The following PATJ variants were observed in gnomAD, a reference collection of about 807,000 sequenced individuals.
The protein encoded by PATJ is PATJ crumbs cell polarity complex component, also known as inaD-like protein.
Under a neutral mutation model 224.9 loss-of-function variants are expected in PATJ, and 190 were observed. The ratio of observed to expected loss-of-function variants is 0.84; its 90% CI spans 0.75 to 0.95. The LOEUF is 0.95. Among genes scored for constraint, PATJ ranks in the 40% least tolerant of loss-of-function variants. The pLI, the probability that PATJ is intolerant of heterozygous loss-of-function variation, is 0.00. For missense variants in PATJ, 2,121 were observed against 2,270.3 expected (o/e 0.93, Z 1.34); for synonymous variants, 769 against 820.3 (o/e 0.94, Z 1.07).
chr1:62,161,335 T>TA lies in PATJ; in HGVS notation c.*281_*282insA. On this transcript the variant is annotated 3_prime_UTR_variant, in exon 44 of 44. Coordinates refer to ENST00000642238, the MANE Select transcript of PATJ (RefSeq NM_001350145.3). ...TTAATTTCAGTGTTCCGATTTCTTT[T>TA]TTTTTTTTTTTTTTTTTTTTTGAGA... is the stretch of plus-strand genomic sequence containing the variant. The TA allele has an allele frequency of 1.9e-5, 1 of 53,702 alleles. No individual in the cohort carries two copies. Among genetic ancestry groups the TA allele is most frequent in the Non-Finnish European group, 3.4e-5 (1 of 29,792 alleles). 3.3% of individuals were successfully genotyped at this position (53,702 alleles called of 1,614,324 possible). A position where few individuals can be genotyped will look rare whatever the true frequency, so the allele number is the denominator to read the frequency against.
intron 29 of PATJ, among the ~76,000 whole-genome samples, chr1:62,037,056 C>T (rs1650560825): frequency 6.6e-6 from 1 of 152,000 alleles, no homozygotes; most frequent in Non-Finnish European, 1.5e-5. Flanking sequence ...TTCGAATGCC[C>T]TCCCAAGTCA....
At position 61,787,738 on chromosome 1, in the gene PATJ, T is replaced by C; in HGVS notation, c.850-16T>C. 1 of 1,577,980 alleles carries C rather than the reference T, an allele frequency of 6.3e-7. No homozygotes were observed. The highest frequency in any genetic ancestry group is 8.7e-7 in the Non-Finnish European group (1 of 1,147,578). ...CAGCATTTATTTCTCAAAATAATTT[T>C]GTCTTTTTCTTGAAGGATGGAAGAC... On this transcript the variant is annotated splice_polypyrimidine_tract_variant and intron_variant, in intron 7 of 43. Transcript: ENST00000642238.
intron 20 of PATJ, among the ~76,000 whole-genome samples, chr1:61,872,096 A>G (rs187831071): frequency 1.4e-4 from 22 of 152,034 alleles, no homozygotes; most frequent in Admixed American, 3.9e-4. Context: ...TTCATTTACT[A>G]TTAACAGAAT....
At chr1:62,048,054 CT>C (rs2148569051) in intron 30 of PATJ, among the ~76,000 whole-genome samples, 1 of 152,266 alleles carries the variant, frequency 6.6e-6, no homozygotes, top group South Asian at 2.1e-4. Flanking sequence ...AGCTTTGAAT[CT>C]TAGATCTACC....
Position 62,123,010 on chromosome 1 carries a change from C to A in PATJ, c.5006-11C>A. The A allele has an allele frequency of 6.4e-7, 1 of 1,555,902 alleles. No homozygotes were observed. The highest frequency in any genetic ancestry group is 8.8e-7 in the Non-Finnish European group (1 of 1,138,466). ...TAATATTAAAAAGTTAATTGTGTTG[C>A]TTCTTTATAGGCACAGATATGGAAC... On this transcript the variant is annotated splice_polypyrimidine_tract_variant and intron_variant, in intron 38 of 43. Transcript: ENST00000642238.
chr1:61,904,790 C>G (rs1210879521), intron 24 of PATJ, among the ~76,000 whole-genome samples: 2 of 152,200 alleles, frequency 1.3e-5, no homozygotes, highest in Non-Finnish European at 2.9e-5. Flanking sequence ...AACCAGTTTT[C>G]TGTTTCTTGA....
chr1:61,829,291 T>C (rs1417174980), intron 16 of PATJ, among the ~76,000 whole-genome samples: 2 of 152,224 alleles, frequency 1.3e-5, no homozygotes, highest in African/African-American at 4.8e-5. Flanking sequence ...TTGACTCTTT[T>C]TTAAAAAAAT....
chr1:61,858,579 A>C (rs758247189), intron 18 of PATJ, among the ~76,000 whole-genome samples: 46 of 152,048 alleles, frequency 3.0e-4, no homozygotes, highest in Non-Finnish European at 1.9e-4. Context: ...ACACTTTTAA[A>C]CCACCAGGAT....
intron 30 of PATJ, among the ~76,000 whole-genome samples, chr1:62,047,149 A>G (rs898908990): frequency 6.6e-6 from 1 of 152,222 alleles, no homozygotes; most frequent in Non-Finnish European, 1.5e-5. Flanking sequence ...ACGCCTCTTC[A>G]TGTGAGAATC....
intron 7 of PATJ, among the ~76,000 whole-genome samples, chr1:61,785,376 G>A (rs1333340761): frequency 6.6e-6 from 1 of 152,172 alleles, no homozygotes; most frequent in Non-Finnish European, 1.5e-5. Flanking sequence ...CTACAGTAAT[G>A]TTACTCTGGA....
intron 30 of PATJ, chr1:62,039,041 C>G: frequency 2.0e-6 from 2 of 1,010,992 alleles, no homozygotes; most frequent in South Asian, 2.5e-5. Flanking sequence ...TGTCCAGCAT[C>G]AGATAATGGG....
chr1:61,771,792 T>C (rs1646627161), intron 6 of PATJ, among the ~76,000 whole-genome samples, 166 bp downstream of exon 6: 1 of 152,020 alleles, frequency 6.6e-6, no homozygotes, highest in African/African-American at 2.4e-5. Flanking sequence ...AGATCTTGGC[T>C]CACTGCAACC....
At chr1:61,813,549 G>A (rs772835764) in intron 14 of PATJ, among the ~76,000 whole-genome samples, 32 of 151,646 alleles carry the variant, frequency 2.1e-4, no homozygotes, top group Non-Finnish European at 4.6e-4. Flanking sequence ...TATGTACACT[G>A]TGCTAGGTCC....
At chr1:61,921,150 C>A (rs762906524) in intron 26 of PATJ, among the ~76,000 whole-genome samples, 3 of 152,016 alleles carry the variant, frequency 2.0e-5, no homozygotes, top group African/African-American at 4.8e-5. Context: ...AGATTTCACC[C>A]CATTAGGAAA....
At chr1:62,044,674 A>G (rs1229966829) in intron 30 of PATJ, among the ~76,000 whole-genome samples, 1 of 152,230 alleles carries the variant, frequency 6.6e-6, no homozygotes, top group Non-Finnish European at 1.5e-5. Context: ...AACAGGCCTC[A>G]TAAAGATCAG....
Position 61,853,946 on chromosome 1 carries a change from G to A in PATJ, c.2113-2084G>A, listed in dbSNP as rs116769768. Among the ~76,000 whole-genome samples the A allele has an allele frequency of 1.4e-3, 212 of 152,272 alleles. 1 individual carries two copies. Among genetic ancestry groups the A allele is most frequent in the African/African-American group, 4.9e-3 (204 of 41,558 alleles). ...CTCTTGACTCGGGGGTAGAAAGGCA[G>A]GGTTAGTTGCAAAAAGCAAGATAAG... is the stretch of plus-strand genomic sequence containing the variant. On this transcript the variant is annotated intron_variant, in intron 17 of 43. Transcript: ENST00000642238.
intron 33 of PATJ, among the ~76,000 whole-genome samples, chr1:62,096,370 A>C (rs1259611648): frequency 2.0e-5 from 3 of 152,174 alleles, no homozygotes; most frequent in Non-Finnish European, 1.5e-5. Flanking sequence ...ATCCATGATC[A>C]GTGAGGATTG....
intron 39 of PATJ, among the ~76,000 whole-genome samples, chr1:62,126,634 T>C (rs2774935): frequency 0.016 from 2,455 of 152,346 alleles, 70 homozygotes; most frequent in African/African-American, 0.056. Flanking sequence ...CCACATTTTA[T>C]GTCTGTCTTC....
chr1:62,040,370 A>C (rs1570268437), intron 30 of PATJ, among the ~76,000 whole-genome samples: 1 of 151,982 alleles, frequency 6.6e-6, no homozygotes, highest in Non-Finnish European at 1.5e-5. Context: ...GGGCCTCCCA[A>C]AAGTGCTGGG....
Sources: allele counts gnomAD v4.1 joint callset (sites outside exome capture counted in the v4.1 genomes callset), GRCh38; gene constraint gnomAD v4.1.1; transcripts MANE v1.5; gene names NCBI Gene and HGNC (gene_info 2026-07-23, HGNC 2026-07-21).